Variants in ANKRD6 observed in about 807,000 individuals in gnomAD.
ANKRD6 encodes ankyrin repeat domain-containing protein 6.
ANKRD6 carries 56 observed loss-of-function variants against 82.3 expected under a neutral mutation model. The ratio of observed to expected loss-of-function variants is 0.68; its 90% CI spans 0.55 to 0.85. The LOEUF (loss-of-function observed/expected upper bound fraction) is 0.85. Ranked by LOEUF, ANKRD6 falls within the 40% of genes least tolerant of loss-of-function variation. The probability of loss-of-function intolerance (pLI) is 0.00; values close to 1 mark genes in which losing one functional copy is unlikely to be tolerated. For missense variants in ANKRD6, 852 were observed against 907.6 expected (o/e 0.94, Z 0.79); for synonymous variants, 347 against 352.1 (o/e 0.99, Z 0.16).
At chr6:89,521,027 T>C (rs1308261465) in intron 1 of ANKRD6, among the ~76,000 whole-genome samples, 15 of 152,206 alleles carry the variant, frequency 9.9e-5, no homozygotes, top group Admixed American at 9.8e-4. Context: ...TCTCTTATTT[T>C]AAAATGGAAT....
intron 1 of ANKRD6, among the ~76,000 whole-genome samples, chr6:89,438,041 G>A (rs376837546): frequency 6.6e-6 from 1 of 152,150 alleles, no homozygotes; most frequent in Admixed American, 6.5e-5. Context: ...AATGGGGTAG[G>A]TAAGTGGCAA....
At chr6:89,527,037 C>T (rs117099680) in intron 1 of ANKRD6, among the ~76,000 whole-genome samples, 1 of 152,176 alleles carries the variant, frequency 6.6e-6, no homozygotes, top group Non-Finnish European at 1.5e-5. Flanking sequence ...CACACATACC[C>T]ATACATAATG....
At chr6:89,598,659 G>A (rs768821861) in intron 3 of ANKRD6, among the ~76,000 whole-genome samples, 4 of 152,176 alleles carry the variant, frequency 2.6e-5, no homozygotes, top group Admixed American at 2.6e-4. Flanking sequence ...AAATCCCAAA[G>A]TGAGAAACAC....
chr6:89,600,055 T>C (rs1223631783), intron 3 of ANKRD6, among the ~76,000 whole-genome samples: 1 of 152,136 alleles, frequency 6.6e-6, no homozygotes, highest in Non-Finnish European at 1.5e-5. Flanking sequence ...TAGGACACTA[T>C]GTGTTCTCGC....
intron 11 of ANKRD6, 52 bp downstream of exon 11, chr6:89,623,596 G>A (rs368170704): frequency 4.1e-4 from 639 of 1,551,836 alleles, no homozygotes; most frequent in East Asian, 7.0e-4. Context: ...GCAGGGTGGC[G>A]AGGGTCCTGG....
At chr6:89,516,256 T>G (rs1781197171) in intron 1 of ANKRD6, among the ~76,000 whole-genome samples, 1 of 152,172 alleles carries the variant, frequency 6.6e-6, no homozygotes, top group African/African-American at 2.4e-5. Context: ...TCAGGGCCAG[T>G]CCTGATGGAA....
chr6:89,508,215 C>T (rs1032048794), intron 1 of ANKRD6, among the ~76,000 whole-genome samples: 6 of 152,172 alleles, frequency 3.9e-5, no homozygotes, highest in Admixed American at 1.3e-4. Flanking sequence ...GTGGTTCTGG[C>T]TCAAGGTCCC....
intron 1 of ANKRD6, among the ~76,000 whole-genome samples, chr6:89,518,150 C>G (rs1562701014): frequency 6.6e-6 from 1 of 152,190 alleles, no homozygotes; most frequent in Non-Finnish European, 1.5e-5. Context: ...CGCCTGTGAT[C>G]CTAGCACTTT....
At chr6:89,434,077 C>G (rs540883151) in intron 1 of ANKRD6, among the ~76,000 whole-genome samples, 1 of 152,178 alleles carries the variant, frequency 6.6e-6, no homozygotes, top group Non-Finnish European at 1.5e-5. Context: ...ATGTTTCCCC[C>G]GCGAGGTAGC....
intron 1 of ANKRD6, among the ~76,000 whole-genome samples, chr6:89,468,073 C>G (rs1467217507): frequency 6.6e-6 from 1 of 152,078 alleles, no homozygotes; most frequent in Non-Finnish European, 1.5e-5. Context: ...AGAAAGTCTT[C>G]CAGAAAGAAA....
At chr6:89,602,942 G>A in intron 3 of ANKRD6, 87 bp from the exon 4 acceptor site, 1 of 1,107,306 alleles carries the variant, frequency 9.0e-7, no homozygotes, top group South Asian at 1.4e-5. Flanking sequence ...GACGGGAGGG[G>A]TCCTTGTGTC....
rs954659558 is a variant in ANKRD6 at position 89,582,850 on chromosome 6, G to A, written c.121-13066G>A. Among the ~76,000 whole-genome samples, 15 of 152,198 alleles carry A rather than the reference G, an allele frequency of 9.9e-5. 1 individual carries two copies. Among genetic ancestry groups the A allele is most frequent in the African/African-American group, 3.6e-4 (15 of 41,452 alleles). ...AGCACTTACCTCAAGGATATGTGGTGAGGATTATATGAGGTAATCCATGCA... is the reference window on the plus strand; with the variant it reads ...AGCACTTACCTCAAGGATATGTGGTAAGGATTATATGAGGTAATCCATGCA... On this transcript the variant is annotated intron_variant, in intron 2 of 15. Transcript: ENST00000339746.
At chr6:89,510,788 G>A (rs1341117587) in intron 1 of ANKRD6, among the ~76,000 whole-genome samples, 1 of 152,016 alleles carries the variant, frequency 6.6e-6, no homozygotes, top group African/African-American at 2.4e-5. Flanking sequence ...CATATAAAAT[G>A]TAAGTTCTGT....
chr6:89,546,805 A>G (rs1785152166), intron 1 of ANKRD6, among the ~76,000 whole-genome samples: 1 of 152,040 alleles, frequency 6.6e-6, no homozygotes, highest in Admixed American at 6.6e-5. Context: ...AAAAGAAAAG[A>G]AGGAAAAAAT....
chr6:89,578,526 C>T (rs1791714880), intron 2 of ANKRD6, among the ~76,000 whole-genome samples: 1 of 152,056 alleles, frequency 6.6e-6, no homozygotes. Context: ...AAACTCCTAG[C>T]CTGAAGTGAT....
chr6:89,470,361 A>G (rs558671209), intron 1 of ANKRD6, among the ~76,000 whole-genome samples: 12 of 152,350 alleles, frequency 7.9e-5, no homozygotes, highest in East Asian at 1.9e-4. Flanking sequence ...GCTCTTGCCT[A>G]TAATCCCACC....
At position 89,631,958 on chromosome 6, in the gene ANKRD6, C is replaced by T. The variant is rs1327764764; in HGVS notation, c.*954C>T. The T allele has an allele frequency of 6.6e-6, 1 of 152,182 alleles. No homozygotes were observed. Among genetic ancestry groups the T allele is most frequent in the Non-Finnish European group, 1.5e-5 (1 of 68,038 alleles). The allele number at this position is 152,182 out of a possible 1,614,324, so 9.4% of individuals were successfully genotyped here. Reference sequence around the variant, plus strand: ...TGCTTTGCGGTGAAGGCAAAATATTCGATAACTCAACTTAGGCCCCACTGT... The same window carrying T: ...TGCTTTGCGGTGAAGGCAAAATATTTGATAACTCAACTTAGGCCCCACTGT... On this transcript the variant is annotated 3_prime_UTR_variant, in exon 16 of 16. Coordinates refer to ENST00000339746, the MANE Select transcript of ANKRD6 (RefSeq NM_001242809.2).
chr6:89,581,205 A>G (rs1199125139), intron 2 of ANKRD6, among the ~76,000 whole-genome samples: 1 of 152,148 alleles, frequency 6.6e-6, no homozygotes, highest in Admixed American at 6.5e-5. Flanking sequence ...CCAATCCCCT[A>G]TTGATGGATA....
At chr6:89,488,920 A>ATTCTATTCTG (rs924263810) in intron 1 of ANKRD6, among the ~76,000 whole-genome samples, 8 of 150,134 alleles carry the variant, frequency 5.3e-5, no homozygotes, top group Non-Finnish European at 1.0e-4. Flanking sequence ...ATTCTATTCT[A>ATTCTATTCTG]TTCTAGTTCA....
Sources: gnomAD v4.1 joint callset for allele counts (sites outside exome capture counted in the v4.1 genomes callset) on GRCh38, gnomAD v4.1.1 for gene constraint, MANE v1.5 for transcripts, NCBI Gene and HGNC (gene_info 2026-07-23, HGNC 2026-07-21) for gene names.